The following TET1 variants were observed in gnomAD, a reference collection of about 807,000 sequenced individuals.
TET1 encodes tet methylcytosine dioxygenase 1, also known as methylcytosine dioxygenase TET1.
A neutral mutation model predicts 148.7 loss-of-function variants in TET1; 13 were observed. The ratio of observed to expected loss-of-function variants is 0.09; its 90% CI spans 0.06 to 0.14. The LOEUF is 0.14. TET1 is among the 10% of genes least tolerant of loss of function. TET1 has a pLI of 1.00. For missense variants in TET1, 2,182 were observed against 2,553.8 expected (o/e 0.85, Z 3.14); for synonymous variants, 907 against 937.2 (o/e 0.97, Z 0.59).
intron 8 of TET1, among the ~76,000 whole-genome samples, chr10:68,680,789 A>G (rs2055425828): frequency 1.3e-5 from 2 of 152,220 alleles, no homozygotes; most frequent in Non-Finnish European, 2.9e-5. Context: ...AGAGAACTAT[A>G]GACAACCACT....
chr10:68,598,679 G>GT (rs35501955), intron 2 of TET1, among the ~76,000 whole-genome samples: 16 of 144,946 alleles, frequency 1.1e-4, no homozygotes, highest in South Asian at 2.2e-4. Flanking sequence ...TATTCATTAG[G>GT]TTTTTTTTTT....
At chr10:68,596,042 A>G (rs867022059) in intron 2 of TET1, among the ~76,000 whole-genome samples, 16 of 138,786 alleles carry the variant, frequency 1.2e-4, no homozygotes, top group African/African-American at 3.8e-4. Context: ...ATATATATAT[A>G]TACACATTTT....
chr10:68,592,528 G>T (rs1589058383), intron 2 of TET1, among the ~76,000 whole-genome samples: 3 of 152,116 alleles, frequency 2.0e-5, no homozygotes, highest in African/African-American at 4.8e-5. Context: ...AGAAGTAAAG[G>T]CTGGCATCTC....
At position 68,645,376 on chromosome 10, in the gene TET1, G is replaced by C. The variant is rs1174505520; in HGVS notation, c.2647G>C (p.Asp883His). ...VQPSLLSLMK[D>H]RRLTLEQVVA... Reference sequence around the variant, plus strand: ...ACCAAGTCTCTTATCGTTAATGAAAGATAGGAGATTAACATTGGAGCAAGT... The same window carrying C: ...ACCAAGTCTCTTATCGTTAATGAAACATAGGAGATTAACATTGGAGCAAGT... Residue 883 changes from aspartate (D) to histidine (H), a missense_variant, in exon 4 of 12, where the codon GAT becomes CAT. By Grantham distance (81) the Asp-to-His change is moderately conservative (BLOSUM62 -1). Coordinates refer to ENST00000373644, the MANE Select transcript of TET1 (RefSeq NM_030625.3). The C allele has an allele frequency of 6.2e-7, 1 of 1,614,124 alleles. No homozygotes were observed.
At chr10:68,624,295 T>C (rs538363535) in intron 3 of TET1, among the ~76,000 whole-genome samples, 20 of 151,670 alleles carry the variant, frequency 1.3e-4, no homozygotes, top group Admixed American at 6.6e-5. Flanking sequence ...TTTGTTTGTT[T>C]CTTTCTTTTT....
At chr10:68,589,418 C>T (rs948162080) in intron 2 of TET1, among the ~76,000 whole-genome samples, 4 of 152,204 alleles carry the variant, frequency 2.6e-5, no homozygotes, top group Non-Finnish European at 1.5e-5. Context: ...TAGTAGCAAA[C>T]TTGTTTAATA....
intron 5 of TET1, among the ~76,000 whole-genome samples, chr10:68,652,271 G>C (rs1409945779): frequency 6.6e-6 from 1 of 152,162 alleles, no homozygotes; most frequent in Non-Finnish European, 1.5e-5. Context: ...CTGGCACTCA[G>C]CCTATTTTTT....
intron 2 of TET1, among the ~76,000 whole-genome samples, chr10:68,600,512 T>C (rs1156605639): frequency 1.3e-5 from 2 of 152,114 alleles, no homozygotes; most frequent in Admixed American, 6.6e-5. Flanking sequence ...GAAGATCACT[T>C]TGGAGTTGCT....
At chr10:68,588,489 T>C (rs533159277) in intron 2 of TET1, among the ~76,000 whole-genome samples, 62 of 152,322 alleles carry the variant, frequency 4.1e-4, no homozygotes, top group Admixed American at 3.9e-3. Flanking sequence ...GTGTTCATTT[T>C]AGTCACCATA....
In TET1 at chr10:68,646,768, C is replaced by T. The variant is rs778398543; in HGVS notation, c.4039C>T (p.Pro1347Ser). Residue 1347 changes from proline to serine, a missense_variant, in exon 4 of 12, where the codon CCG becomes TCG. Coordinates refer to ENST00000373644, the MANE Select transcript of TET1 (RefSeq NM_030625.3). ...TGGTATCTCTCATGAAACACCCTTA[C>T]CGGAGTCAGCACTAACTCTCAGGAA... The part of the protein sequence containing the change: ...LPGISHETPL[P>S]ESALTLRNVN... The T allele has an allele frequency of 1.9e-6, 3 of 1,614,152 alleles. No individual in the cohort carries two copies. In the Admixed American group the frequency reaches 5.0e-5, roughly 27 times the overall value.
At position 68,645,742 on chromosome 10, in the gene TET1, C is replaced by A. The variant is rs779775444; in HGVS notation, c.3013C>A (p.Leu1005Ile). ...TTCAAAAGTCACAAATTCATTATCT[C>A]TTTTTATACCAAAATCAAATTCATC... ...EYSKVTNSLS[L>I]FIPKSNSSKI... The change falls in exon 4 of 12, where the codon CTT becomes ATT. Residue 1005 changes from leucine (L) to isoleucine (I), a missense_variant. This residue lies in a region of TET1 where 582 missense variants were observed against 599.5 expected (regional missense o/e 0.97). Coordinates refer to ENST00000373644, the MANE Select transcript of TET1 (RefSeq NM_030625.3). 2 of 1,614,156 alleles carry A rather than the reference C, an allele frequency of 1.2e-6. No individual in the cohort carries two copies. Among genetic ancestry groups the A allele is most frequent in the South Asian group, 2.2e-5 (2 of 91,080 alleles).
intron 2 of TET1, among the ~76,000 whole-genome samples, chr10:68,584,137 T>A (rs1004126403): frequency 6.6e-6 from 1 of 150,912 alleles, no homozygotes; most frequent in Non-Finnish European, 1.5e-5. Context: ...CCTCCCAGGT[T>A]CAAGCGATTC....
chr10:68,589,593 C>G (rs1287529018), intron 2 of TET1, among the ~76,000 whole-genome samples: 12 of 151,802 alleles, frequency 7.9e-5, no homozygotes, highest in Admixed American at 7.9e-4. Context: ...AGTGAGCCAC[C>G]TAGCCCAGCC....
chr10:68,662,572 A>G (rs147662259), intron 6 of TET1, among the ~76,000 whole-genome samples: 1 of 152,204 alleles, frequency 6.6e-6, no homozygotes, highest in African/African-American at 2.4e-5. Flanking sequence ...AATAGACCAC[A>G]TATATATAAT....
intron 8 of TET1, chr10:68,673,457 G>A (rs1032771048): frequency 2.5e-5 from 10 of 406,682 alleles, no homozygotes; most frequent in South Asian, 7.4e-5. Context: ...ATATGAAACC[G>A]GAACGAATCA....
intron 1 of TET1, among the ~76,000 whole-genome samples, chr10:68,569,698 G>A (rs540107721): frequency 2.0e-5 from 3 of 152,166 alleles, no homozygotes; most frequent in African/African-American, 7.2e-5. Flanking sequence ...GGATTGCTTG[G>A]GGCCAGGAGT....
intron 2 of TET1, among the ~76,000 whole-genome samples, chr10:68,598,114 C>A (rs1266824244): frequency 6.6e-6 from 1 of 152,170 alleles, no homozygotes; most frequent in African/African-American, 2.4e-5. Context: ...ATGGGCTGGG[C>A]GCAGTGGCTC....
At position 68,572,239 on chromosome 10, in the gene TET1, C is replaced by A; in HGVS notation, c.-100C>A. On this transcript the variant is annotated 5_prime_UTR_variant, in exon 2 of 12. The change creates a new upstream start codon in the 5' untranslated region. Coordinates refer to ENST00000373644, the MANE Select transcript of TET1 (RefSeq NM_030625.3). ...CAGACCAAAACCTTGTGTGACTGAG[C>A]TGAAGAGCAGTGCATCCAGATTCTC... 2 of 1,014,914 alleles carry A rather than the reference C, an allele frequency of 2.0e-6. No homozygotes were observed. The highest frequency in any genetic ancestry group is 2.9e-6 in the Non-Finnish European group (2 of 701,544). 62.9% of individuals were successfully genotyped at this position (1,014,914 alleles called of 1,614,324 possible). A position where few individuals can be genotyped will look rare whatever the true frequency, so the allele number is the denominator to read the frequency against.
chr10:68,686,319 G>T (rs751205292), intron 10 of TET1, 37 bp from the exon 11 acceptor site: 13 of 1,526,538 alleles, frequency 8.5e-6, no homozygotes, highest in South Asian at 7.6e-5. Context: ...TGCACGACCC[G>T]TATATCTTTC....
Sources: gnomAD v4.1 joint callset for allele counts (sites outside exome capture counted in the v4.1 genomes callset) on GRCh38, gnomAD v4.1.1 for gene constraint, gnomAD v4.1.1 regional missense constraint, MANE v1.5 for transcripts, NCBI Gene and HGNC (gene_info 2026-07-23, HGNC 2026-07-21) for gene names.